Variants in SNCAIP observed in about 807,000 individuals in gnomAD.
The protein encoded by SNCAIP is synphilin-1.
In SNCAIP, 43 loss-of-function variants were observed where a neutral mutation model predicts 86.7. The observed-to-expected ratio is 0.50, with a 90% confidence interval of 0.39 to 0.64. SNCAIP has a LOEUF of 0.64. Among genes scored for constraint, SNCAIP ranks in the 30% least tolerant of loss-of-function variants. The pLI is 0.00. For synonymous variants in SNCAIP, 417 were observed against 427.2 expected (o/e 0.98, Z 0.29); for missense variants, 981 against 1,103.1 (o/e 0.89, Z 1.57).
Position 122,391,922 on chromosome 5 carries a change from C to A in SNCAIP, c.57+731C>A, listed in dbSNP as rs573394107. ...AACATGTTGGCCTGGAGTGCCCCAG[C>A]AAAACTGGCTAACTCTCAGAGTATG... On this transcript the variant is annotated intron_variant, in intron 2 of 10. Coordinates refer to ENST00000261368, the MANE Select transcript of SNCAIP (RefSeq NM_005460.4). Among the ~76,000 whole-genome samples, 9 of 152,298 alleles carry A rather than the reference C, an allele frequency of 5.9e-5. No individual in the cohort carries two copies. The South Asian group carries it at 1.4e-3, about 25-fold the overall frequency.
At chr5:122,372,556 A>G (rs950405193) in intron 1 of SNCAIP, among the ~76,000 whole-genome samples, 3 of 152,202 alleles carry the variant, frequency 2.0e-5, no homozygotes, top group African/African-American at 7.2e-5. Flanking sequence ...GGATTCATCC[A>G]GAAAGTGAGT....
Position 122,451,117 on chromosome 5 carries a change from C to G in SNCAIP, c.2270C>G (p.Pro757Arg). The G allele has an allele frequency of 6.2e-7, 1 of 1,614,146 alleles. No homozygotes were observed. Among genetic ancestry groups the G allele is most frequent in the East Asian group, 2.2e-5 (1 of 44,878 alleles). Residue 757 changes from proline to arginine, a missense_variant, in exon 10 of 11, where the codon CCA (proline) becomes CGA (arginine). Coordinates refer to ENST00000261368, the MANE Select transcript of SNCAIP (RefSeq NM_005460.4). ...TCTCCCACCTCAGAGAGCAGCGAAC[C>G]AGACTTAGAATCCCAGTATCCAGGC... Reference protein sequence around the residue: ...SPSPTSESSEPDLESQYPGSG... With the variant: ...SPSPTSESSERDLESQYPGSG...
Position 122,403,881 on chromosome 5 carries a change from C to G in SNCAIP, c.130+16C>G. ...GACAGATCAGGTAGGTTTTGCTCCTCCCCTCTTCTCCTTATCCTGGCTCAG... is the reference window on the plus strand; with the variant it reads ...GACAGATCAGGTAGGTTTTGCTCCTGCCCTCTTCTCCTTATCCTGGCTCAG... On this transcript the variant is annotated intron_variant, in intron 3 of 10. Transcript: ENST00000261368. 1.3e-6 allele frequency: 2 copies of G among 1,593,822 alleles called. No homozygotes were observed. The highest frequency in any genetic ancestry group is 1.7e-6 in the Non-Finnish European group (2 of 1,161,566).
At chr5:122,393,833 T>A (rs1041551285) in intron 2 of SNCAIP, among the ~76,000 whole-genome samples, 4 of 152,192 alleles carry the variant, frequency 2.6e-5, no homozygotes, top group Admixed American at 2.0e-4. Context: ...GATCCAGACT[T>A]CATACCTTAG....
At chr5:122,359,451 C>A (rs2152763058) in intron 1 of SNCAIP, among the ~76,000 whole-genome samples, 1 of 151,860 alleles carries the variant, frequency 6.6e-6, no homozygotes, top group South Asian at 2.1e-4. Context: ...GGAACCTCTG[C>A]CTCCTGGGTT....
chr5:122,408,230 A>G (rs1773405609), intron 3 of SNCAIP, among the ~76,000 whole-genome samples: 1 of 152,222 alleles, frequency 6.6e-6, no homozygotes, highest in South Asian at 2.1e-4. Context: ...TCAGCCCCAC[A>G]GAACAGTCCC....
intron 10 of SNCAIP, among the ~76,000 whole-genome samples, chr5:122,453,758 CTT>C (rs72006645): frequency 1.7e-3 from 227 of 136,572 alleles, no homozygotes; most frequent in South Asian, 7.2e-3. Context: ...AAGACTATCA[CTT>C]TTTTTTTTTT....
chr5:122,377,837 A>G (rs1336495300), intron 1 of SNCAIP, among the ~76,000 whole-genome samples: 5 of 150,602 alleles, frequency 3.3e-5, no homozygotes, highest in East Asian at 2.0e-4. Flanking sequence ...ATGATTTCCA[A>G]TTTCATCCAT....
At chr5:122,378,383 G>A (rs1249596300) in intron 1 of SNCAIP, among the ~76,000 whole-genome samples, 1 of 132,050 alleles carries the variant, frequency 7.6e-6, no homozygotes, top group African/African-American at 2.9e-5. Context: ...TTTTTGATGG[G>A]GTTGTTTGTT....
intron 1 of SNCAIP, among the ~76,000 whole-genome samples, chr5:122,374,382 G>A (rs1764866279): frequency 6.6e-6 from 1 of 152,142 alleles, no homozygotes; most frequent in Admixed American, 6.6e-5. Context: ...TCTTGCTTAT[G>A]TTGGTTAATT....
intron 2 of SNCAIP, among the ~76,000 whole-genome samples, chr5:122,391,751 G>T (rs967904178): frequency 1.3e-5 from 2 of 152,216 alleles, no homozygotes; most frequent in Admixed American, 6.5e-5. Flanking sequence ...AATGCTGTGG[G>T]CTGATGAGTC....
chr5:122,435,683 AAAAAG>A (rs1779294992), intron 6 of SNCAIP, among the ~76,000 whole-genome samples: 1 of 152,174 alleles, frequency 6.6e-6, no homozygotes, highest in Non-Finnish European at 1.5e-5. Flanking sequence ...CACTTTTTGA[AAAAAG>A]AAAAGGCTCA....
chr5:122,404,629 A>T (rs773871601), intron 3 of SNCAIP, among the ~76,000 whole-genome samples: 1 of 152,240 alleles, frequency 6.6e-6, no homozygotes, highest in African/African-American at 2.4e-5. Flanking sequence ...TGGCATCACC[A>T]TTAACCTTCC....
At chr5:122,399,826 G>A (rs1033208875) in intron 2 of SNCAIP, among the ~76,000 whole-genome samples, 6 of 152,138 alleles carry the variant, frequency 3.9e-5, no homozygotes, top group Admixed American at 2.0e-4. Context: ...CAACTTCATC[G>A]TGCGTTATAA....
At chr5:122,385,536 A>G (rs1767928362) in intron 1 of SNCAIP, among the ~76,000 whole-genome samples, 1 of 152,092 alleles carries the variant, frequency 6.6e-6, no homozygotes, top group Admixed American at 6.5e-5. Flanking sequence ...CAACATTTCT[A>G]CCCAGACCTT....
chr5:122,365,611 G>T (rs575906949), intron 1 of SNCAIP, among the ~76,000 whole-genome samples: 1 of 152,182 alleles, frequency 6.6e-6, no homozygotes, highest in Non-Finnish European at 1.5e-5. Context: ...CCTGTGAGGC[G>T]GAGATTGCAG....
Position 122,444,691 on chromosome 5 carries a change from G to A in SNCAIP, c.1551G>A (p.Ser517=), listed in dbSNP as rs370073718. The part of the protein sequence containing the change: ...RYLVVVETCM[S]LASQVVKLTK... ...TGGTGGTGGTGGAGACCTGCATGTCGCTGGCCTCTCAAGTGGTGAAGTTAA... is the reference window on the plus strand; with the variant it reads ...TGGTGGTGGTGGAGACCTGCATGTCACTGGCCTCTCAAGTGGTGAAGTTAA... Residue 517 remains serine (S), a synonymous_variant, in exon 8 of 11, where the codon TCG becomes TCA. Transcript: ENST00000261368. 1.7e-5 allele frequency: 27 copies of A among 1,613,928 alleles called. No individual in the cohort carries two copies. Among genetic ancestry groups the A allele is most frequent in the East Asian group, 2.2e-5 (1 of 44,868 alleles).
At chr5:122,426,634 T>C (rs1323519025) in intron 5 of SNCAIP, among the ~76,000 whole-genome samples, 1 of 152,222 alleles carries the variant, frequency 6.6e-6, no homozygotes. Flanking sequence ...AATAAATCTA[T>C]GACCCTGGTA....
intron 6 of SNCAIP, among the ~76,000 whole-genome samples, 156 bp downstream of exon 6, chr5:122,432,238 GA>G (rs1390486072): frequency 4.0e-5 from 6 of 151,748 alleles, no homozygotes; most frequent in African/African-American, 1.2e-4. Flanking sequence ...TGTTTTAAAT[GA>G]AAAAAAGTTT....
Sources: gnomAD v4.1 joint callset for allele counts (sites outside exome capture counted in the v4.1 genomes callset) on GRCh38, gnomAD v4.1.1 for gene constraint, MANE v1.5 for transcripts, NCBI Gene and HGNC (gene_info 2026-07-23, HGNC 2026-07-21) for gene names.